FSHR: variants seen among roughly 807,000 people sequenced by gnomAD.
FSHR encodes follicle-stimulating hormone receptor.
A neutral mutation model predicts 52.1 loss-of-function variants in FSHR; 46 were observed. The ratio of observed to expected loss-of-function variants is 0.88; its 90% CI spans 0.70 to 1.13. FSHR has a LOEUF of 1.13. Among genes scored for constraint, FSHR ranks in the 50% most tolerant of loss-of-function variants. FSHR has a pLI of 0.00. For synonymous variants in FSHR, 399 were observed against 309.6 expected, an observed-to-expected ratio of 1.29 and a Z score of -3.03; for missense variants, 964 against 834.6, an observed-to-expected ratio of 1.16 and a Z score of -1.91.
intron 8 of FSHR, 102 bp from the exon 9 acceptor site, chr2:48,968,985 A>G (rs1349686453): frequency 1.9e-6 from 2 of 1,047,066 alleles, no homozygotes; most frequent in Non-Finnish European, 2.9e-6. Flanking sequence ...ATATTCTTAC[A>G]TGGATGAGGA....
intron 1 of FSHR, among the ~76,000 whole-genome samples, chr2:49,079,870 A>T (rs1670102169): frequency 6.6e-6 from 1 of 152,320 alleles, no homozygotes; most frequent in Non-Finnish European, 1.5e-5. Context: ...AAATTTAAGT[A>T]CACTAAACTT....
chr2:49,020,145 A>G lies in FSHR; in HGVS notation c.240T>C (p.Asn80=), dbSNP rs749571389. The G allele has an allele frequency of 5.6e-6, 9 of 1,613,300 alleles. No homozygotes were observed. In the African/African-American group the frequency reaches 1.1e-4, roughly 19 times the overall value. The change falls in exon 3 of 10, where the codon AAT becomes AAC. Residue 80 remains asparagine (N), a synonymous_variant. Coordinates refer to ENST00000406846, the MANE Select transcript of FSHR (RefSeq NM_000145.4). The stretch of plus-strand genomic sequence containing the variant: ...CTGCCTCTATCACCTCCAAGACATC[A>G]TTCTGAGAGATCTCTCTGTGGAGAA... ...GDLEKIEISQ[N]DVLEVIEADV... is the part of the protein sequence containing the mutation.
rs139729676 is a variant in FSHR, at chr2:49,096,250, G to A, written c.153-27960C>T. 2.6e-5 allele frequency among the ~76,000 whole-genome samples: 4 copies of A among 152,190 alleles called. No individual in the cohort carries two copies. In the East Asian group the frequency reaches 7.7e-4, roughly 29 times the overall value. On this transcript the variant is annotated intron_variant, in intron 1 of 9. Coordinates refer to ENST00000406846, the MANE Select transcript of FSHR (RefSeq NM_000145.4). ...TGAATGAATAAACATAATGTAGTAC[G>A]GTCATACAATGGAATACCACTTGGC...
At chr2:49,050,660 A>G (rs1558411357) in intron 2 of FSHR, among the ~76,000 whole-genome samples, 1 of 152,182 alleles carries the variant, frequency 6.6e-6, no homozygotes, top group African/African-American at 2.4e-5. Context: ...TGTGAATGTC[A>G]GTATCCCTGT....
chr2:49,127,781 CTTCTTCT>C (rs1672072579), intron 1 of FSHR, among the ~76,000 whole-genome samples: 4 of 47,836 alleles, frequency 8.4e-5, no homozygotes, highest in African/African-American at 3.6e-4. Flanking sequence ...TCTTCTTCTT[CTTCTTCT>C]TCTTCTTCTT....
chr2:49,146,354 C>T (rs146246412), intron 1 of FSHR, among the ~76,000 whole-genome samples: 28 of 152,058 alleles, frequency 1.8e-4, no homozygotes, highest in Non-Finnish European at 2.8e-4. Context: ...ATATAAGGGG[C>T]CTTTCTTTCT....
At chr2:49,030,390 C>T (rs1668059716) in intron 2 of FSHR, among the ~76,000 whole-genome samples, 2 of 151,660 alleles carry the variant, frequency 1.3e-5, no homozygotes, top group Admixed American at 6.6e-5. Context: ...TCTCTGGGTT[C>T]GATTGTGCCT....
chr2:49,045,550 C>G (rs540800844), intron 2 of FSHR, among the ~76,000 whole-genome samples: 1 of 151,926 alleles, frequency 6.6e-6, no homozygotes, highest in Non-Finnish European at 1.5e-5. Context: ...GGAAGGCAGA[C>G]AGAGGTAGGC....
At chr2:49,006,775 G>A (rs1490250318) in intron 4 of FSHR, among the ~76,000 whole-genome samples, 1 of 152,106 alleles carries the variant, frequency 6.6e-6, no homozygotes, top group Non-Finnish European at 1.5e-5. Context: ...TGAGCTCCTT[G>A]AAGTGAGAGC....
At chr2:49,005,418 C>T (rs1199027750) in intron 4 of FSHR, among the ~76,000 whole-genome samples, 1 of 152,116 alleles carries the variant, frequency 6.6e-6, no homozygotes, top group Non-Finnish European at 1.5e-5. Flanking sequence ...CTCGATTGTG[C>T]CCAAACATCC....
intron 1 of FSHR, among the ~76,000 whole-genome samples, chr2:49,146,695 G>A (rs1230267762): frequency 6.6e-6 from 1 of 152,016 alleles, no homozygotes; most frequent in African/African-American, 2.4e-5. Flanking sequence ...GCCTGAAGAT[G>A]CTTGTAAAAT....
At chr2:49,145,789 C>T (rs1672849028) in intron 1 of FSHR, among the ~76,000 whole-genome samples, 1 of 151,956 alleles carries the variant, frequency 6.6e-6, no homozygotes, top group African/African-American at 2.4e-5. Context: ...GAACCTTGAA[C>T]ATATATAATT....
intron 1 of FSHR, among the ~76,000 whole-genome samples, chr2:49,132,475 A>G (rs1672315732): frequency 6.6e-6 from 1 of 152,090 alleles, no homozygotes; most frequent in Non-Finnish European, 1.5e-5. Context: ...TGTTTAAGAA[A>G]CTGTTATGTC....
chr2:49,041,103 A>G (rs1202011163), intron 2 of FSHR, among the ~76,000 whole-genome samples: 1 of 152,252 alleles, frequency 6.6e-6, no homozygotes, highest in Non-Finnish European at 1.5e-5. Context: ...ACACATGCAG[A>G]AACAGAACAC....
intron 1 of FSHR, among the ~76,000 whole-genome samples, chr2:49,131,743 A>G (rs193229087): frequency 6.6e-6 from 1 of 152,304 alleles, no homozygotes; most frequent in Non-Finnish European, 1.5e-5. Flanking sequence ...AGAAAATATT[A>G]TTTCCTTCAG....
intron 1 of FSHR, among the ~76,000 whole-genome samples, chr2:49,122,438 T>C (rs1572773183): frequency 6.6e-6 from 1 of 152,322 alleles, no homozygotes; most frequent in East Asian, 1.9e-4. Context: ...CTTCTTACAC[T>C]TGTCTCTTGC....
chr2:48,976,950 C>T lies in FSHR; in HGVS notation c.668+5962G>A, dbSNP rs143393145. On this transcript the variant is annotated intron_variant, in intron 8 of 9. Transcript: ENST00000406846. ...AAAAGCCAGCTCCTGGATTTACTGA[C>T]GTTTTTGAGGGGTTTTTCGTGTCTC... Among the ~76,000 whole-genome samples the T allele has an allele frequency of 3.3e-3, 495 of 152,062 alleles. 6 individuals carry two copies. Among genetic ancestry groups the T allele is most frequent in the African/African-American group, 0.011 (462 of 41,486 alleles).
chr2:49,020,168 GA>G lies in FSHR; in HGVS notation c.225-9del, dbSNP rs763159868. On this transcript the variant is annotated splice_polypyrimidine_tract_variant and intron_variant, in intron 2 of 9. Transcript: ENST00000406846. ...TCATTCTGAGAGATCTCTCTGTGGAGAAAAAAATATATAAGTCAAGCCAGTT... is the reference window on the plus strand; with the variant it reads ...TCATTCTGAGAGATCTCTCTGTGGAGAAAAAATATATAAGTCAAGCCAGTT... 8 of 1,609,548 alleles carry G rather than the reference GA, an allele frequency of 5.0e-6. No individual in the cohort carries two copies. The highest frequency in any genetic ancestry group is 2.7e-5 in the African/African-American group (2 of 74,774).
In FSHR at chr2:48,982,761, A is replaced by T. The variant is rs376444555; in HGVS notation, c.668+151T>A. On this transcript the variant is annotated intron_variant, in intron 8 of 9. Coordinates refer to ENST00000406846, the MANE Select transcript of FSHR (RefSeq NM_000145.4). ...GAGTTAGACCGTGGATAAGCCTTAA[A>T]TTGTCTCTATAAATTTTTGCAGATG... 494 of 729,828 alleles carry T rather than the reference A, an allele frequency of 6.8e-4. 5 individuals are homozygous for T. In the South Asian group the frequency reaches 7.0e-3, roughly 10 times the overall value. The allele number at this position is 729,828 out of a possible 1,614,324, so 45.2% of individuals were successfully genotyped here. A position where few individuals can be genotyped will look rare whatever the true frequency, so the allele number is the denominator to read the frequency against.
Sources: gnomAD v4.1 joint callset for allele counts (sites outside exome capture counted in the v4.1 genomes callset) on GRCh38, gnomAD v4.1.1 for gene constraint, MANE v1.5 for transcripts, NCBI Gene and HGNC (gene_info 2026-07-23, HGNC 2026-07-21) for gene names.